The following ROBO1 variants were observed in gnomAD, a reference collection of about 807,000 sequenced individuals.
ROBO1 encodes roundabout homolog 1.
ROBO1 carries 149 observed loss-of-function variants against 195.9 expected under a neutral mutation model. That is an observed-to-expected ratio of 0.76 (90% CI 0.67 to 0.87). The LOEUF (loss-of-function observed/expected upper bound fraction) is 0.87, where lower values mean the gene tolerates loss of function less well. Ranked by LOEUF, ROBO1 falls within the 40% of genes least tolerant of loss-of-function variation. ROBO1 has a pLI of 0.00. For synonymous variants in ROBO1, 816 were observed against 733.2 expected (o/e 1.11, Z -1.82); for missense variants, 1,933 against 2,068.3 (o/e 0.93, Z 1.27).
At chr3:78,878,623 C>A (rs1374814757) in intron 4 of ROBO1, among the ~76,000 whole-genome samples, 1 of 146,588 alleles carries the variant, frequency 6.8e-6, no homozygotes, top group East Asian at 2.0e-4. Flanking sequence ...ATAATGGGCA[C>A]CTGTATTTTT....
chr3:79,747,337 G>C (rs1703921907), intron 1 of ROBO1, among the ~76,000 whole-genome samples: 1 of 152,014 alleles, frequency 6.6e-6, no homozygotes, highest in South Asian at 2.1e-4. Context: ...GATTATGTAT[G>C]TATACATGTG....
intron 2 of ROBO1, among the ~76,000 whole-genome samples, chr3:79,480,134 T>G (rs557192887): frequency 8.5e-5 from 13 of 152,274 alleles, no homozygotes; most frequent in Admixed American, 3.9e-4. Flanking sequence ...TTAACTACAA[T>G]TGTTTTACAA....
chr3:79,213,816 C>CTTTTTTTTT (rs59942369), intron 2 of ROBO1, among the ~76,000 whole-genome samples: 2 of 74,576 alleles, frequency 2.7e-5, no homozygotes, highest in Non-Finnish European at 2.7e-5. Context: ...TCTCCCCTTT[C>CTTTTTTTTT]TTTTTTTTTT....
At chr3:78,611,571 G>A (rs1276448916) in intron 28 of ROBO1, among the ~76,000 whole-genome samples, 2 of 152,196 alleles carry the variant, frequency 1.3e-5, no homozygotes, top group African/African-American at 4.8e-5. Context: ...TTTGCATCGA[G>A]TTCTCCCTGC....
chr3:79,525,522 C>T (rs1941391604), intron 2 of ROBO1, among the ~76,000 whole-genome samples: 3 of 144,226 alleles, frequency 2.1e-5, no homozygotes, highest in Admixed American at 7.0e-5. Flanking sequence ...TTTATTTTTT[C>T]ATCAATTTAT....
intron 5 of ROBO1, among the ~76,000 whole-genome samples, chr3:78,735,419 G>T (rs3821603): frequency 0.22 from 32,928 of 152,030 alleles, 3,644 homozygotes; most frequent in East Asian, 0.24. Flanking sequence ...ATGTGCTTTG[G>T]ACATAACAGA....
At chr3:79,430,677 G>C (rs2038640305) in intron 2 of ROBO1, among the ~76,000 whole-genome samples, 1 of 152,082 alleles carries the variant, frequency 6.6e-6, no homozygotes, top group Non-Finnish European at 1.5e-5. Context: ...GAATGTATTT[G>C]TGTATAGTAA....
At chr3:78,974,413 G>A (rs750640070) in intron 3 of ROBO1, among the ~76,000 whole-genome samples, 64 of 152,236 alleles carry the variant, frequency 4.2e-4, no homozygotes, top group Admixed American at 1.6e-3. Context: ...TCATGGTAGC[G>A]GCTGTGGATT....
intron 3 of ROBO1, among the ~76,000 whole-genome samples, chr3:79,027,097 A>G (rs959104826): frequency 2.6e-5 from 4 of 152,128 alleles, no homozygotes; most frequent in African/African-American, 9.7e-5. Context: ...ATGAGCAAGA[A>G]GAAAGTCTGT....
chr3:79,064,805 T>G (rs982871344), intron 3 of ROBO1, among the ~76,000 whole-genome samples: 3 of 151,998 alleles, frequency 2.0e-5, no homozygotes, highest in Non-Finnish European at 2.9e-5. Flanking sequence ...ATACTCATCC[T>G]TTCTAATACT....
intron 3 of ROBO1, among the ~76,000 whole-genome samples, chr3:79,070,274 T>C (rs1490081899): frequency 1.3e-5 from 2 of 151,874 alleles, no homozygotes; most frequent in Non-Finnish European, 1.5e-5. Context: ...TTGCAGTTAT[T>C]GGATATACAA....
At chr3:78,777,652 G>A (rs909929159) in intron 4 of ROBO1, among the ~76,000 whole-genome samples, 43 of 152,126 alleles carry the variant, frequency 2.8e-4, no homozygotes, top group Admixed American at 6.6e-5. Context: ...TAAAGGAGGA[G>A]CCAAAACAAA....
At chr3:78,790,470 T>A (rs142049458) in intron 4 of ROBO1, among the ~76,000 whole-genome samples, 17 of 152,262 alleles carry the variant, frequency 1.1e-4, no homozygotes, top group African/African-American at 3.4e-4. Flanking sequence ...TTACAAACAA[T>A]CCAGTTATAC....
chr3:79,234,442 T>C (rs1266660657), intron 2 of ROBO1, among the ~76,000 whole-genome samples: 2 of 151,840 alleles, frequency 1.3e-5, no homozygotes, highest in Admixed American at 6.6e-5. Context: ...AAATAGGGAG[T>C]CTTTTCCTAA....
At chr3:78,852,599 C>A (rs1457625811) in intron 4 of ROBO1, among the ~76,000 whole-genome samples, 1 of 152,036 alleles carries the variant, frequency 6.6e-6, no homozygotes, top group African/African-American at 2.4e-5. Context: ...ATATTTTATG[C>A]CCTGTTATTT....
intron 2 of ROBO1, among the ~76,000 whole-genome samples, chr3:79,397,631 C>G (rs1209820682): frequency 6.6e-6 from 1 of 152,088 alleles, no homozygotes; most frequent in East Asian, 1.9e-4. Flanking sequence ...TCGATCACAC[C>G]AATTAACTAC....
intron 2 of ROBO1, among the ~76,000 whole-genome samples, chr3:79,410,617 A>AAAGGAAGGAAGGAAGG (rs141093481): frequency 4.0e-5 from 6 of 149,442 alleles, no homozygotes; most frequent in African/African-American, 1.5e-4. Context: ...GAAAGAAAAG[A>AAAGGAAGGAAGGAAGG]AAGGAAGGAA....
At chr3:78,988,700 A>C (rs2108040749) in intron 3 of ROBO1, among the ~76,000 whole-genome samples, 1 of 152,330 alleles carries the variant, frequency 6.6e-6, no homozygotes, top group Non-Finnish European at 1.5e-5. Context: ...AATTGTTACA[A>C]GGTTTATTCT....
At chr3:78,704,463 T>G (rs1165811524) in intron 8 of ROBO1, among the ~76,000 whole-genome samples, 2 of 152,050 alleles carry the variant, frequency 1.3e-5, no homozygotes, top group East Asian at 3.9e-4. Flanking sequence ...AGAGGTGTTT[T>G]TGAATGCAAG....
Sources: allele counts gnomAD v4.1 joint callset (sites outside exome capture counted in the v4.1 genomes callset), GRCh38; gene constraint gnomAD v4.1.1; transcripts MANE v1.5; gene names NCBI Gene and HGNC (gene_info 2026-07-23, HGNC 2026-07-21).